Variants in HSPB8 observed in about 807,000 individuals in gnomAD.
HSPB8 encodes the protein heat shock protein family B (small) member 8.
Under a neutral mutation model 16.5 loss-of-function variants are expected in HSPB8, and 9 were observed. The ratio of observed to expected loss-of-function variants is 0.55; its 90% CI spans 0.33 to 0.95. The LOEUF is 0.95. HSPB8 is among the 40% of genes least tolerant of loss of function. HSPB8 has a pLI of 0.03. For synonymous variants in HSPB8, 99 were observed against 94.8 expected (o/e 1.04, Z -0.26); for missense variants, 238 against 251.2 (o/e 0.95, Z 0.35).
At chr12:119,183,147 G>A (rs911996208) in intron 1 of HSPB8, 1 of 152,188 alleles carries the variant, frequency 6.6e-6, no homozygotes, top group Non-Finnish European at 1.5e-5. Context: ...TTATAAACAG[G>A]TCTTCTCACT....
In HSPB8 at chr12:119,179,314, TG is replaced by T. The variant is rs1478015945; in HGVS notation, c.4del (p.Ala2?). On this transcript the variant is annotated frameshift_variant and start_lost, in exon 1 of 3. Transcript: ENST00000281938. LOFTEE classifies it high-confidence loss of function. ...TTCTCTCTGAGCTGAGCAGCCACCA[TG>T]GCTGACGGTCAGATGCCCTTCTCCT... is the stretch of plus-strand genomic sequence containing the variant. The part of the protein sequence containing the change: [M>X]ADGQMPFSCH... The T allele has an allele frequency of 6.2e-7, 1 of 1,613,722 alleles. No homozygotes were observed.
chr12:119,181,611 A>G (rs371912801), intron 1 of HSPB8, among the ~76,000 whole-genome samples: 19 of 152,268 alleles, frequency 1.2e-4, no homozygotes, highest in African/African-American at 3.6e-4. Context: ...GAACACAAGG[A>G]ATTAGTATTA....
intron 1 of HSPB8, chr12:119,182,916 G>A (rs563658104): frequency 1.3e-5 from 2 of 152,368 alleles, no homozygotes; most frequent in African/African-American, 2.4e-5. Flanking sequence ...GACATTCAAT[G>A]TCAGGCCTCT....
At chr12:119,191,330 C>A (rs1174316724) in intron 2 of HSPB8, among the ~76,000 whole-genome samples, 1 of 152,194 alleles carries the variant, frequency 6.6e-6, no homozygotes. Context: ...CACCCTGTCA[C>A]ACTGTACCTG....
At chr12:119,181,943 A>G (rs1241291003) in intron 1 of HSPB8, 2 of 152,214 alleles carry the variant, frequency 1.3e-5, no homozygotes, top group Non-Finnish European at 2.9e-5. Context: ...GATTATCACC[A>G]TTCCTTCTGT....
chr12:119,179,026 G>C lies in HSPB8; in HGVS notation c.-287G>C. 1.9e-6 allele frequency: 1 copy of C among 516,830 alleles called. No homozygotes were observed. Among genetic ancestry groups the C allele is most frequent in the Non-Finnish European group, 3.5e-6 (1 of 284,978 alleles). 32.0% of individuals were successfully genotyped at this position (516,830 alleles called of 1,614,324 possible). ...CTGGCTGCCAGCCTGGGCAGCCTGG[G>C]AAGCCTGGGAGGACGGTGGCTTGCC... is the stretch of plus-strand genomic sequence containing the variant. On this transcript the variant is annotated 5_prime_UTR_variant, in exon 1 of 3. Transcript: ENST00000281938.
intron 1 of HSPB8, among the ~76,000 whole-genome samples, chr12:119,185,264 C>A (rs966069384): frequency 4.0e-5 from 6 of 151,862 alleles, no homozygotes; most frequent in African/African-American, 7.3e-5. Context: ...AAGCAATCTT[C>A]CCACCTCAGC....
intron 2 of HSPB8, 53 bp from the exon 3 acceptor site, chr12:119,193,646 T>C (rs1954725607): frequency 6.3e-7 from 1 of 1,575,744 alleles, no homozygotes. Flanking sequence ...AATAAAAGAA[T>C]GTTTAAGCAA....
At chr12:119,192,595 G>T (rs970184649) in intron 2 of HSPB8, among the ~76,000 whole-genome samples, 13 of 152,098 alleles carry the variant, frequency 8.5e-5, no homozygotes, top group African/African-American at 3.1e-4. Context: ...GGCGGAACTT[G>T]CAGTGAACCA....
intron 2 of HSPB8, among the ~76,000 whole-genome samples, chr12:119,188,601 C>T (rs1300434823): frequency 6.6e-6 from 1 of 152,092 alleles, no homozygotes; most frequent in Non-Finnish European, 1.5e-5. Flanking sequence ...CAAAAGTGTG[C>T]ATCGGAGAGG....
intron 1 of HSPB8, among the ~76,000 whole-genome samples, chr12:119,184,802 A>G (rs573716258): frequency 2.6e-3 from 403 of 152,344 alleles, no homozygotes; most frequent in Admixed American, 5.4e-3. Context: ...AGTTCTCGCC[A>G]ACGTTGGAAA....
At chr12:119,188,194 G>A (rs1255144960) in intron 2 of HSPB8, among the ~76,000 whole-genome samples, 4 of 150,948 alleles carry the variant, frequency 2.6e-5, no homozygotes, top group East Asian at 3.9e-4. Context: ...AGCAATCAGC[G>A]TCACTCCACT....
At chr12:119,187,906 G>T (rs1032652727) in intron 2 of HSPB8, among the ~76,000 whole-genome samples, 1 of 152,176 alleles carries the variant, frequency 6.6e-6, no homozygotes, top group African/African-American at 2.4e-5. Context: ...AGTGTCCTGA[G>T]AACACTGCAT....
chr12:119,187,887 A>T (rs963419890), intron 2 of HSPB8, among the ~76,000 whole-genome samples: 1 of 152,164 alleles, frequency 6.6e-6, no homozygotes, highest in Non-Finnish European at 1.5e-5. Context: ...CACAAAAATG[A>T]AGTTGGAAAG....
In HSPB8 at chr12:119,188,956, G is replaced by A. The variant is rs114452284; in HGVS notation, c.431+1868G>A. Reference sequence around the variant, plus strand: ...AGAGATCACACTAGCTGAATTCTGAGGCTTCTTCCAGCTTGGGATTCTACA... The same window carrying A: ...AGAGATCACACTAGCTGAATTCTGAAGCTTCTTCCAGCTTGGGATTCTACA... On this transcript the variant is annotated intron_variant, in intron 2 of 2. Coordinates refer to ENST00000281938, the MANE Select transcript of HSPB8 (RefSeq NM_014365.3). Among the ~76,000 whole-genome samples the A allele has an allele frequency of 3.1e-3, 465 of 152,280 alleles. 3 individuals are homozygous for A. Among genetic ancestry groups the A allele is most frequent in the African/African-American group, 0.01 (423 of 41,552 alleles).
intron 2 of HSPB8, among the ~76,000 whole-genome samples, chr12:119,191,287 C>G (rs552302621): frequency 8.1e-4 from 123 of 152,292 alleles, no homozygotes; most frequent in Non-Finnish European, 1.5e-3. Flanking sequence ...TGCACGTCAG[C>G]CTGCCTGCAA....
chr12:119,193,620 T>C, intron 2 of HSPB8, 79 bp from the exon 3 acceptor site: 1 of 1,499,662 alleles, frequency 6.7e-7, no homozygotes. Flanking sequence ...TTATCAAAAA[T>C]ATTTCCTCTC....
At chr12:119,190,848 G>A (rs56249836) in intron 2 of HSPB8, among the ~76,000 whole-genome samples, 5,984 of 152,262 alleles carry the variant, frequency 0.039, 447 homozygotes, top group African/African-American at 0.14. Flanking sequence ...GGCTAAAGGC[G>A]TTAAAGGCAT....
chr12:119,187,179 T>A, intron 2 of HSPB8, 91 bp downstream of exon 2: 2 of 1,040,598 alleles, frequency 1.9e-6, no homozygotes, highest in Non-Finnish European at 3.0e-6. Flanking sequence ...CTCTTGGGCA[T>A]CTCTCTTTTA....
Sources: allele counts gnomAD v4.1 joint callset (sites outside exome capture counted in the v4.1 genomes callset), GRCh38; gene constraint gnomAD v4.1.1; transcripts MANE v1.5; gene names NCBI Gene and HGNC (gene_info 2026-07-23, HGNC 2026-07-21).